Variants in FAM174B observed in about 807,000 individuals in gnomAD.
The protein encoded by FAM174B is family with sequence similarity 174 member B, also known as membrane protein FAM174B.
Under a neutral mutation model 10.9 loss-of-function variants are expected in FAM174B, and 12 were observed. That is an observed-to-expected ratio of 1.10 (90% CI 0.71 to 1.79). FAM174B has a LOEUF of 1.79. Ranked by LOEUF, FAM174B falls within the 40% of genes most tolerant of loss-of-function variation. FAM174B has a pLI of 0.00. For synonymous variants in FAM174B, 132 were observed against 115.8 expected (o/e 1.14, Z -0.90); for missense variants, 266 against 233.3 (o/e 1.14, Z -0.91).
At chr15:92,654,280 A>G (rs1482411298) in intron 1 of FAM174B, among the ~76,000 whole-genome samples, 1 of 152,168 alleles carries the variant, frequency 6.6e-6, no homozygotes, top group Admixed American at 6.5e-5. Context: ...CTGAAGCCCA[A>G]CCTGCCACAG....
intron 2 of FAM174B, among the ~76,000 whole-genome samples, chr15:92,620,282 A>C (rs2050710722): frequency 6.6e-6 from 1 of 152,166 alleles, no homozygotes; most frequent in Non-Finnish European, 1.5e-5. Flanking sequence ...ATGGATCACA[A>C]GGTCAGGAGA....
At chr15:92,654,561 G>T (rs980006817) in intron 1 of FAM174B, among the ~76,000 whole-genome samples, 1 of 152,108 alleles carries the variant, frequency 6.6e-6, no homozygotes, top group Non-Finnish European at 1.5e-5. Context: ...ACCTACAAAA[G>T]GCTCTCCAAG....
At chr15:92,635,437 G>T (rs558568915) in intron 1 of FAM174B, among the ~76,000 whole-genome samples, 1 of 152,136 alleles carries the variant, frequency 6.6e-6, no homozygotes, top group Non-Finnish European at 1.5e-5. Flanking sequence ...ATCGAGACAC[G>T]TTCCCAGCTG....
chr15:92,650,988 T>G (rs1202515275), intron 1 of FAM174B, among the ~76,000 whole-genome samples: 2 of 152,186 alleles, frequency 1.3e-5, no homozygotes, highest in Non-Finnish European at 2.9e-5. Context: ...AATGATGAAA[T>G]ACATTTAAAA....
chr15:92,625,711 G>A (rs531635014), intron 2 of FAM174B, among the ~76,000 whole-genome samples: 28 of 152,310 alleles, frequency 1.8e-4, no homozygotes, highest in African/African-American at 6.5e-4. Flanking sequence ...CACTCTAGTG[G>A]TTACTGTTAA....
intron 1 of FAM174B, among the ~76,000 whole-genome samples, chr15:92,643,116 T>C (rs892783285): frequency 3.5e-5 from 5 of 144,386 alleles, no homozygotes; most frequent in Non-Finnish European, 4.5e-5. Context: ...CTAAAAACCA[T>C]TGAGTTGGAC....
At chr15:92,639,684 C>T (rs1165414377) in intron 1 of FAM174B, among the ~76,000 whole-genome samples, 1 of 152,074 alleles carries the variant, frequency 6.6e-6, no homozygotes, top group Non-Finnish European at 1.5e-5. Context: ...CCATCCTCTT[C>T]GCGCTGTTCT....
intron 1 of FAM174B, among the ~76,000 whole-genome samples, chr15:92,636,134 C>A (rs1032912949): frequency 6.6e-6 from 1 of 151,136 alleles, no homozygotes; most frequent in Admixed American, 6.6e-5. Context: ...AGTGTAGATT[C>A]TTTAACGTGT....
intron 1 of FAM174B, among the ~76,000 whole-genome samples, chr15:92,643,955 G>A (rs74604039): frequency 0.021 from 3,239 of 152,272 alleles, 92 homozygotes; most frequent in South Asian, 0.082. Flanking sequence ...CGCCAGTGTA[G>A]ACAGGAGGAC....
At position 92,619,463 on chromosome 15, in the gene FAM174B, A is replaced by C; in HGVS notation, c.477-4T>G. ...CAGGCTGGGAAACAGGTTTTACCTAAAAGAAAGGGAAGGACAAGAGTAAGC... is the reference window on the plus strand; with the variant it reads ...CAGGCTGGGAAACAGGTTTTACCTACAAGAAAGGGAAGGACAAGAGTAAGC... On this transcript the variant is annotated splice_region_variant and splice_polypyrimidine_tract_variant and intron_variant, in intron 2 of 2. Coordinates refer to ENST00000327355, the MANE Select transcript of FAM174B (RefSeq NM_207446.3). The C allele has an allele frequency of 6.2e-7, 1 of 1,613,726 alleles. No homozygotes were observed. The highest frequency in any genetic ancestry group is 1.1e-5 in the South Asian group (1 of 91,056).
At chr15:92,654,802 G>A (rs1463794922) in intron 1 of FAM174B, among the ~76,000 whole-genome samples, 2 of 74,372 alleles carry the variant, frequency 2.7e-5, no homozygotes, top group Non-Finnish European at 3.2e-5. Flanking sequence ...AAAAAAAAAA[G>A]AAGAAGAAGA....
rs2050703343 is a variant in FAM174B, at chr15:92,619,377, C to G, written c.*79G>C. 2 of 1,569,010 alleles carry G rather than the reference C, an allele frequency of 1.3e-6. No homozygotes were observed. Among genetic ancestry groups the G allele is most frequent in the East Asian group, 4.5e-5 (2 of 44,688 alleles). ...TTTCAACACCTCCGACGCAAGAGGGCTTCCAGGTCCAGTCCTTCACACCCC... is the reference window on the plus strand; with the variant it reads ...TTTCAACACCTCCGACGCAAGAGGGGTTCCAGGTCCAGTCCTTCACACCCC... On this transcript the variant is annotated 3_prime_UTR_variant, in exon 3 of 3. Transcript: ENST00000327355.
intron 1 of FAM174B, among the ~76,000 whole-genome samples, chr15:92,642,741 A>C (rs1189346550): frequency 6.6e-6 from 1 of 152,316 alleles, no homozygotes; most frequent in East Asian, 1.9e-4. Flanking sequence ...TAAATTTCCC[A>C]GTCTCAGGCA....
At chr15:92,651,339 C>A (rs763011677) in intron 1 of FAM174B, among the ~76,000 whole-genome samples, 1 of 152,070 alleles carries the variant, frequency 6.6e-6, no homozygotes, top group Non-Finnish European at 1.5e-5. Flanking sequence ...TCCAAGAATG[C>A]GGCCAGGAGC....
intron 1 of FAM174B, among the ~76,000 whole-genome samples, chr15:92,632,635 G>A (rs2050826778): frequency 6.6e-6 from 1 of 151,980 alleles, no homozygotes; most frequent in Admixed American, 6.5e-5. Context: ...TCAGCCTCCT[G>A]AGAAGCTGGG....
chr15:92,635,571 A>C (rs1323863114), intron 1 of FAM174B, among the ~76,000 whole-genome samples: 6 of 140,824 alleles, frequency 4.3e-5, no homozygotes, highest in Admixed American at 1.4e-4. Context: ...ATCTTCACAT[A>C]TTTCTTTCTT....
chr15:92,645,941 T>C (rs962076744), intron 1 of FAM174B, among the ~76,000 whole-genome samples: 1 of 152,156 alleles, frequency 6.6e-6, no homozygotes, highest in Non-Finnish European at 1.5e-5. Context: ...GGCTGGAGTT[T>C]TCATGAGCAA....
At chr15:92,628,745 C>T (rs149179421) in intron 2 of FAM174B, among the ~76,000 whole-genome samples, 4,278 of 151,998 alleles carry the variant, frequency 0.028, 75 homozygotes, top group Middle Eastern at 0.051. Flanking sequence ...GCTTCCAAAA[C>T]CAATATGTAT....
At position 92,617,802 on chromosome 15, in the gene FAM174B, TG is replaced by T; in HGVS notation, c.*1653del. On this transcript the variant is annotated 3_prime_UTR_variant, in exon 3 of 3. Transcript: ENST00000327355. ...CAGTCCCACCCCTCTGGCAAACAGA[TG>T]GGGGAAAACAGAGAAGGAAAGTCAA... The T allele has an allele frequency of 1.9e-6, 1 of 520,196 alleles. No individual in the cohort carries two copies. Among genetic ancestry groups the T allele is most frequent in the Non-Finnish European group, 3.4e-6 (1 of 295,918 alleles). 32.2% of individuals were successfully genotyped at this position (520,196 alleles called of 1,614,324 possible). A position where few individuals can be genotyped will look rare whatever the true frequency, so the allele number is the denominator to read the frequency against.
Sources: allele counts gnomAD v4.1 joint callset (sites outside exome capture counted in the v4.1 genomes callset), GRCh38; gene constraint gnomAD v4.1.1; transcripts MANE v1.5; gene names NCBI Gene and HGNC (gene_info 2026-07-23, HGNC 2026-07-21).